Variants in PTPRM observed in about 807,000 individuals in gnomAD.
The protein encoded by PTPRM is receptor-type tyrosine-protein phosphatase mu.
Under a neutral mutation model 186.7 loss-of-function variants are expected in PTPRM, and 47 were observed. That is an observed-to-expected ratio of 0.25 (90% confidence interval 0.20 to 0.32). The LOEUF (loss-of-function observed/expected upper bound fraction) is 0.32, where lower values mean the gene tolerates loss of function less well. PTPRM is among the 10% of genes least tolerant of loss of function. PTPRM has a pLI of 1.00. For synonymous variants in PTPRM, 668 were observed against 674.9 expected, an observed-to-expected ratio of 0.99 and a Z score of 0.16; for missense variants, 1,494 against 1,865.0, an observed-to-expected ratio of 0.80 and a Z score of 3.66.
At chr18:8,391,833 C>G (rs944125492) in intron 31 of PTPRM, among the ~76,000 whole-genome samples, 1 of 152,186 alleles carries the variant, frequency 6.6e-6, no homozygotes, top group African/African-American at 2.4e-5. Context: ...AAGGGACAAC[C>G]AGATATTTTT....
intron 19 of PTPRM, among the ~76,000 whole-genome samples, chr18:8,253,770 A>G (rs1246074148): frequency 1.3e-5 from 2 of 152,210 alleles, no homozygotes; most frequent in Non-Finnish European, 2.9e-5. Context: ...CCGTGGATCC[A>G]CTTTCATCTG....
intron 19 of PTPRM, among the ~76,000 whole-genome samples, chr18:8,288,370 G>A (rs533520348): frequency 2.0e-5 from 3 of 152,292 alleles, no homozygotes; most frequent in African/African-American, 7.2e-5. Flanking sequence ...GGGAGCCCCA[G>A]GCATGGCTGA....
At chr18:8,042,490 TTAAAA>T (rs1263882137) in intron 7 of PTPRM, among the ~76,000 whole-genome samples, 1 of 152,152 alleles carries the variant, frequency 6.6e-6, no homozygotes, top group African/African-American at 2.4e-5. Flanking sequence ...AAAAACAAAA[TTAAAA>T]TAAACTGCAC....
At chr18:8,355,780 T>C (rs754585421) in intron 23 of PTPRM, among the ~76,000 whole-genome samples, 6 of 152,102 alleles carry the variant, frequency 3.9e-5, no homozygotes, top group Non-Finnish European at 8.8e-5. Context: ...AAGCTCAAAA[T>C]GTTGATGTGA....
chr18:7,879,617 C>T (rs1251398327), intron 2 of PTPRM, among the ~76,000 whole-genome samples: 2 of 152,122 alleles, frequency 1.3e-5, no homozygotes, highest in Non-Finnish European at 2.9e-5. Flanking sequence ...TTCAGTTGTG[C>T]TGTGAATCAC....
At chr18:8,159,568 G>A (rs2093188010) in intron 14 of PTPRM, among the ~76,000 whole-genome samples, 9 of 152,212 alleles carry the variant, frequency 5.9e-5, no homozygotes. Context: ...GACTTAGGCA[G>A]CACCTGCCTG....
chr18:8,247,746 G>A (rs1027212074), intron 15 of PTPRM, 99 bp from the exon 16 acceptor site: 9 of 821,842 alleles, frequency 1.1e-5, no homozygotes, highest in African/African-American at 6.7e-5. Flanking sequence ...CGGAGTCACC[G>A]TGGGTAGCAT....
At chr18:7,772,341 C>A (rs1598620155) in intron 1 of PTPRM, among the ~76,000 whole-genome samples, 2 of 122,790 alleles carry the variant, frequency 1.6e-5, no homozygotes, top group African/African-American at 5.9e-5. Context: ...TCTTTTCTTT[C>A]TTTCTTTCTC....
chr18:8,360,344 T>C (rs965482284), intron 23 of PTPRM, among the ~76,000 whole-genome samples: 10 of 152,156 alleles, frequency 6.6e-5, no homozygotes, highest in Non-Finnish European at 1.2e-4. Context: ...ACCAGGTTTC[T>C]AGCAGTGAGA....
At chr18:7,642,278 C>T (rs1030938488) in intron 1 of PTPRM, among the ~76,000 whole-genome samples, 3 of 152,244 alleles carry the variant, frequency 2.0e-5, no homozygotes, top group Middle Eastern at 3.4e-3. Flanking sequence ...CTGGGAGGAA[C>T]GGCATATACA....
chr18:8,003,700 G>A lies in PTPRM; in HGVS notation c.1132+48286G>A, dbSNP rs138155985. 8.2e-3 allele frequency among the ~76,000 whole-genome samples: 1,248 copies of A among 152,310 alleles called. 7 individuals are homozygous for A. Among genetic ancestry groups the A allele is most frequent in the South Asian group, 0.034 (162 of 4,822 alleles). On this transcript the variant is annotated intron_variant, in intron 7 of 32. Transcript: ENST00000580170. ...TGGGAGTTAATTACATTATGGACAC[G>A]AATGCTTTTAAGAGATTGTGTATTT... is the stretch of plus-strand genomic sequence containing the variant.
chr18:8,198,409 A>G (rs1451168222), intron 14 of PTPRM, among the ~76,000 whole-genome samples: 1 of 152,210 alleles, frequency 6.6e-6, no homozygotes, highest in East Asian at 1.9e-4. Flanking sequence ...TTGGCCTGCC[A>G]AAGTGCTGTG....
chr18:7,599,844 T>C (rs1450974604), intron 1 of PTPRM, among the ~76,000 whole-genome samples: 1 of 152,204 alleles, frequency 6.6e-6, no homozygotes, highest in Non-Finnish European at 1.5e-5. Context: ...CATTTGCTAC[T>C]CTTGAAGCAC....
intron 11 of PTPRM, among the ~76,000 whole-genome samples, chr18:8,101,205 A>G (rs181967881): frequency 2.6e-5 from 4 of 152,306 alleles, no homozygotes; most frequent in South Asian, 2.1e-4. Context: ...CTGGGTTTAA[A>G]TTCTTATTTG....
At chr18:7,624,472 C>G (rs773269615) in intron 1 of PTPRM, among the ~76,000 whole-genome samples, 2 of 151,980 alleles carry the variant, frequency 1.3e-5, no homozygotes, top group Non-Finnish European at 2.9e-5. Context: ...GTTTCTTAAC[C>G]TCTTTGTGCC....
At chr18:8,069,180 A>T (rs2089307240) in intron 7 of PTPRM, among the ~76,000 whole-genome samples, 1 of 151,738 alleles carries the variant, frequency 6.6e-6, no homozygotes, top group East Asian at 1.9e-4. Flanking sequence ...AAGAGGCTTA[A>T]GTAAGATAGC....
chr18:7,820,114 C>T (rs1232975637), intron 2 of PTPRM, among the ~76,000 whole-genome samples: 1 of 150,896 alleles, frequency 6.6e-6, no homozygotes, highest in African/African-American at 2.5e-5. Flanking sequence ...GGAGGGGTCT[C>T]TTACAAGACC....
chr18:7,968,138 TG>T (rs1483037449), intron 7 of PTPRM, among the ~76,000 whole-genome samples: 1 of 101,648 alleles, frequency 9.8e-6, no homozygotes, highest in Non-Finnish European at 2.0e-5. Context: ...CAGAAGAGAG[TG>T]GGGGCCAATA....
intron 14 of PTPRM, among the ~76,000 whole-genome samples, chr18:8,207,984 A>G (rs1476236827): frequency 6.6e-6 from 1 of 152,238 alleles, no homozygotes; most frequent in African/African-American, 2.4e-5. Flanking sequence ...ATTACGTGCC[A>G]TATTTTTTAA....
Sources: allele counts gnomAD v4.1 joint callset (sites outside exome capture counted in the v4.1 genomes callset), GRCh38; gene constraint gnomAD v4.1.1; transcripts MANE v1.5; gene names NCBI Gene and HGNC (gene_info 2026-07-23, HGNC 2026-07-21).